Variants in NBDY observed in about 807,000 individuals in gnomAD.
NBDY encodes the protein negative regulator of P-body association.
chrX:56,740,228 A>G (rs1168229643), intron 2 of NBDY, among the ~76,000 whole-genome samples: 1 of 111,475 alleles, frequency 9.0e-6, no homozygotes, highest in East Asian at 2.8e-4. Context: ...TCATTTCTCT[A>G]TAGACCTCTG....
intron 2 of NBDY, among the ~76,000 whole-genome samples, chrX:56,789,155 C>T (rs964224635): frequency 8.0e-5 from 9 of 113,048 alleles, no homozygotes; most frequent in East Asian, 2.8e-4. Flanking sequence ...AAAGAAACAA[C>T]GAAGAAACTG....
At chrX:56,766,985 T>C (rs2069669209) in intron 2 of NBDY, among the ~76,000 whole-genome samples, 1 of 112,768 alleles carries the variant, frequency 8.9e-6, no homozygotes, top group South Asian at 3.6e-4. Flanking sequence ...TTGAGCTGTC[T>C]ATCCGTTCTT....
intron 2 of NBDY, among the ~76,000 whole-genome samples, chrX:56,810,139 C>T (rs749340688): frequency 8.9e-6 from 1 of 111,822 alleles, no homozygotes; most frequent in Non-Finnish European, 1.9e-5. Flanking sequence ...GTCTGATTGG[C>T]TTCCCTTGTA....
In NBDY at chrX:56,747,418, G is replaced by T. The variant is rs192668290; in HGVS notation, c.*166+15219G>T. The stretch of plus-strand genomic sequence containing the variant: ...AATGAGGTACTAAGTAAGGATGGAT[G>T]ATTGTAGATGGGTAAAGAACTTCAA... On this transcript the variant is annotated intron_variant, in intron 2 of 2. Transcript: ENST00000374922. Among the ~76,000 whole-genome samples, 38 of 111,745 alleles carry T rather than the reference G, an allele frequency of 3.4e-4. 1 individual carries two copies. In the East Asian group the frequency reaches 0.01, roughly 31 times the overall value.
chrX:56,761,189 C>T (rs761351151), intron 2 of NBDY, among the ~76,000 whole-genome samples: 7 of 112,272 alleles, frequency 6.2e-5, no homozygotes, highest in Non-Finnish European at 9.4e-5. Flanking sequence ...CAAATGTCCT[C>T]AGGCACATAT....
chrX:56,749,800 T>C (rs1167823713), intron 2 of NBDY, among the ~76,000 whole-genome samples: 2 of 109,998 alleles, frequency 1.8e-5, no homozygotes, highest in African/African-American at 6.6e-5. Context: ...CACAGGCACA[T>C]GCCGTCATGC....
intron 2 of NBDY, among the ~76,000 whole-genome samples, chrX:56,804,135 G>C (rs990893879): frequency 8.9e-5 from 10 of 111,922 alleles, no homozygotes; most frequent in Non-Finnish European, 1.7e-4. Flanking sequence ...CTCTGAATTT[G>C]CACAAGCCTC....
intron 2 of NBDY, among the ~76,000 whole-genome samples, chrX:56,783,345 A>G (rs1414434167): frequency 8.8e-6 from 1 of 113,220 alleles, no homozygotes; most frequent in Non-Finnish European, 1.9e-5. Flanking sequence ...CTGGGTGGAT[A>G]GGGGCTTTCT....
chrX:56,804,761 ACC>A (rs2069841212), intron 2 of NBDY, among the ~76,000 whole-genome samples: 1 of 111,432 alleles, frequency 9.0e-6, no homozygotes, highest in Non-Finnish European at 1.9e-5. Context: ...AAATTGTGCC[ACC>A]CCTTTTGGGT....
intron 2 of NBDY, among the ~76,000 whole-genome samples, chrX:56,791,634 T>G (rs2069763759): frequency 8.9e-6 from 1 of 111,854 alleles, no homozygotes; most frequent in African/African-American, 3.3e-5. Context: ...AAGCGGAACA[T>G]GACCAGTGGC....
intron 2 of NBDY, among the ~76,000 whole-genome samples, chrX:56,767,139 G>A (rs1371895319): frequency 8.8e-6 from 1 of 113,598 alleles, no homozygotes; most frequent in Non-Finnish European, 1.9e-5. Flanking sequence ...TGTGATCCCA[G>A]TCCTTCTGCC....
intron 2 of NBDY, among the ~76,000 whole-genome samples, chrX:56,789,713 G>T (rs1335646814): frequency 1.3e-4 from 14 of 111,316 alleles, no homozygotes; most frequent in Non-Finnish European, 1.9e-5. Context: ...GGGGTCCAGG[G>T]GTTGGAGGGA....
At chrX:56,799,103 C>T (rs1382862498) in intron 2 of NBDY, among the ~76,000 whole-genome samples, 2 of 112,171 alleles carry the variant, frequency 1.8e-5, no homozygotes, top group African/African-American at 6.5e-5. Context: ...GGGAGAGGAA[C>T]TCCTGTCTGG....
At chrX:56,783,084 C>T (rs938867083) in intron 2 of NBDY, among the ~76,000 whole-genome samples, 20 of 112,872 alleles carry the variant, frequency 1.8e-4, no homozygotes, top group African/African-American at 6.1e-4. Context: ...CGAAACTGCC[C>T]ACAATGTCTT....
intron 2 of NBDY, among the ~76,000 whole-genome samples, chrX:56,812,392 A>G (rs1356432056): frequency 9.1e-6 from 1 of 109,495 alleles, no homozygotes; most frequent in African/African-American, 3.3e-5. Flanking sequence ...TGCCCTCCCT[A>G]TTGCCATAGG....
At chrX:56,752,825 G>A (rs1162593130) in intron 2 of NBDY, among the ~76,000 whole-genome samples, 1 of 110,471 alleles carries the variant, frequency 9.1e-6, no homozygotes, top group African/African-American at 3.3e-5. Context: ...TGGCCAAGCT[G>A]GTTTCGAACT....
intron 2 of NBDY, among the ~76,000 whole-genome samples, chrX:56,804,077 G>C (rs769699497): frequency 3.6e-5 from 4 of 111,450 alleles, no homozygotes; most frequent in Non-Finnish European, 5.7e-5. Context: ...GTATGGGGGA[G>C]GGGTGTGTGA....
intron 2 of NBDY, among the ~76,000 whole-genome samples, chrX:56,796,707 T>G (rs1052819438): frequency 9.0e-6 from 1 of 111,329 alleles, no homozygotes; most frequent in African/African-American, 3.3e-5. Flanking sequence ...CCTTGTAGGC[T>G]TGGGGCTCAG....
chrX:56,782,290 C>G (rs1438304337), intron 2 of NBDY, among the ~76,000 whole-genome samples: 1 of 110,303 alleles, frequency 9.1e-6, no homozygotes, highest in African/African-American at 3.3e-5. Context: ...CTTACTCTTC[C>G]TCCTCCATCT....
Sources: gnomAD v4.1 joint callset for allele counts (sites outside exome capture counted in the v4.1 genomes callset) on GRCh38, gnomAD v4.1.1 for gene constraint, MANE v1.5 for transcripts, NCBI Gene and HGNC (gene_info 2026-07-23, HGNC 2026-07-21) for gene names.